Variants in DIS3L2 observed in about 807,000 individuals in gnomAD.
The protein encoded by DIS3L2 is DIS3-like exonuclease 2.
Under a neutral mutation model 97.5 loss-of-function variants are expected in DIS3L2, and 34 were observed. The ratio of observed to expected loss-of-function variants is 0.35; its 90% confidence interval spans 0.27 to 0.46. The LOEUF (loss-of-function observed/expected upper bound fraction) is 0.46. DIS3L2 is among the 20% of genes least tolerant of loss of function. DIS3L2 has a pLI of 1.00. For synonymous variants in DIS3L2, 435 were observed against 445.2 expected, an observed-to-expected ratio of 0.98 and a Z score of 0.29; for missense variants, 1,038 against 1,146.0, an observed-to-expected ratio of 0.91 and a Z score of 1.36.
At chr2:232,106,321 G>A (rs11679642) in intron 6 of DIS3L2, among the ~76,000 whole-genome samples, 1,716 of 152,238 alleles carry the variant, frequency 0.011, 17 homozygotes, top group Non-Finnish European at 0.016. Flanking sequence ...TACAAATACT[G>A]TTTTATAATA....
chr2:232,086,649 A>G lies in DIS3L2; in HGVS notation c.367-838A>G, dbSNP rs1187565701. On this transcript the variant is annotated intron_variant, in intron 5 of 20. Transcript: ENST00000325385. Reference sequence around the variant, plus strand: ...TATATACACATATATATATATGTATATATATATATATGTGTGTGTGTGTGT... The same window carrying G: ...TATATACACATATATATATATGTATGTATATATATATGTGTGTGTGTGTGT... 6.3e-5 allele frequency among the ~76,000 whole-genome samples: 3 copies of G among 47,324 alleles called. 1 individual carries two copies. The highest frequency in any genetic ancestry group is 1.2e-4 in the Non-Finnish European group (3 of 26,048). 31.0% of individuals were successfully genotyped at this position (47,324 alleles called of 152,430 possible).
chr2:232,163,524 A>G lies in DIS3L2; in HGVS notation c.1016A>G (p.Glu339Gly). Residue 339 changes from glutamate to glycine, a missense_variant, in exon 9 of 21, where the codon GAG (glutamate) becomes GGG (glycine). By Grantham distance (98) the Glu-to-Gly change is moderately conservative. Around this residue, in one of 3 missense-constraint regions of DIS3L2, gnomAD observed 813 missense variants for 880.1 expected, o/e 0.92. Coordinates refer to ENST00000325385, the MANE Select transcript of DIS3L2 (RefSeq NM_152383.5). ...IEPETEGILT[E>G]YGVDFSDFSS... ...CCTGAAACAGAAGGAATACTAACAG[A>G]GTATGGCGTGGATTTCTCTGATTTC... is the stretch of plus-strand genomic sequence containing the variant. 6.2e-7 allele frequency: 1 copy of G among 1,614,208 alleles called. No homozygotes were observed. The highest frequency in any genetic ancestry group is 8.5e-7 in the Non-Finnish European group (1 of 1,180,028).
intron 6 of DIS3L2, chr2:232,111,132 T>A: frequency 4.8e-6 from 2 of 414,610 alleles, no homozygotes. Context: ...AAAGATCTTA[T>A]TAAAAAACTG....
intron 13 of DIS3L2, among the ~76,000 whole-genome samples, chr2:232,270,141 C>T (rs553101163): frequency 3.7e-4 from 56 of 152,122 alleles, no homozygotes; most frequent in East Asian, 1.5e-3. Context: ...TGGTGGAGGT[C>T]GAGAAGAGAG....
At chr2:232,174,647 C>T (rs928103280) in intron 9 of DIS3L2, among the ~76,000 whole-genome samples, 5 of 150,498 alleles carry the variant, frequency 3.3e-5, no homozygotes, top group Non-Finnish European at 7.4e-5. Flanking sequence ...ATGGAATTTC[C>T]TGTATTTAGA....
At chr2:232,238,114 A>G (rs909476365) in intron 10 of DIS3L2, among the ~76,000 whole-genome samples, 2 of 152,106 alleles carry the variant, frequency 1.3e-5, no homozygotes, top group African/African-American at 4.8e-5. Context: ...AAATAGGGCA[A>G]TGGCCAGAGG....
chr2:231,983,305 G>T (rs1693313343), intron 1 of DIS3L2, among the ~76,000 whole-genome samples: 1 of 152,180 alleles, frequency 6.6e-6, no homozygotes, highest in Non-Finnish European at 1.5e-5. Context: ...AGATCAAGGT[G>T]TTGGCAGGGC....
At chr2:231,971,886 T>G (rs1390686658) in intron 1 of DIS3L2, among the ~76,000 whole-genome samples, 1 of 150,798 alleles carries the variant, frequency 6.6e-6, no homozygotes, top group Non-Finnish European at 1.5e-5. Flanking sequence ...CGGCCCATCT[T>G]TTTTAAATAA....
chr2:231,975,997 C>A (rs1051580266), intron 1 of DIS3L2, among the ~76,000 whole-genome samples: 1 of 151,840 alleles, frequency 6.6e-6, no homozygotes, highest in African/African-American at 2.4e-5. Context: ...CACACACATA[C>A]ACACACACAC....
At chr2:232,337,637 C>T (rs1384393737), downstream of DIS3L2, among the ~76,000 whole-genome samples, 3 of 152,060 alleles carry the variant, frequency 2.0e-5, no homozygotes, top group Admixed American at 6.5e-5. Flanking sequence ...CGTGGCTTGG[C>T]GTCCCCGAGA....
At chr2:232,159,098 A>G (rs1400669067) in intron 8 of DIS3L2, among the ~76,000 whole-genome samples, 1 of 152,196 alleles carries the variant, frequency 6.6e-6, no homozygotes, top group African/African-American at 2.4e-5. Flanking sequence ...GTTCCTGGTT[A>G]CAAGCAAGAA....
chr2:232,270,126 C>G (rs1475798442), intron 13 of DIS3L2, among the ~76,000 whole-genome samples: 1 of 152,096 alleles, frequency 6.6e-6, no homozygotes. Flanking sequence ...CTGGGGACAC[C>G]ACCGTGGTGG....
chr2:232,198,505 A>G (rs1278416019), intron 9 of DIS3L2: 1 of 152,206 alleles, frequency 6.6e-6, no homozygotes, highest in African/African-American at 2.4e-5. Context: ...CTGCAATCTG[A>G]TATTTTAAAT....
chr2:232,240,721 A>T (rs1693057341), intron 11 of DIS3L2, among the ~76,000 whole-genome samples: 1 of 152,204 alleles, frequency 6.6e-6, no homozygotes, highest in South Asian at 2.1e-4. Context: ...GAGCAGGTAT[A>T]GGCAGCTTAA....
In DIS3L2 at chr2:232,213,158, G is replaced by A. The variant is rs1307753462; in HGVS notation, c.1204+2753G>A. 6.6e-5 allele frequency among the ~76,000 whole-genome samples: 10 copies of A among 152,154 alleles called. 1 individual carries two copies. Among genetic ancestry groups the A allele is most frequent in the African/African-American group, 2.4e-4 (10 of 41,420 alleles). On this transcript the variant is annotated intron_variant, in intron 10 of 20. Transcript: ENST00000325385. ...TGCAGTGATTTCATTCGAATGATGG[G>A]ATCATAAGTGATTTTTTTTCCTTTC...
chr2:232,327,077 C>T (rs1202522811), intron 14 of DIS3L2, among the ~76,000 whole-genome samples: 1 of 152,156 alleles, frequency 6.6e-6, no homozygotes, highest in Non-Finnish European at 1.5e-5. Context: ...ATGTGGAGAG[C>T]GCCTGCAGGA....
Position 232,336,462 on chromosome 2 carries a change from T to G in DIS3L2, c.2497-7T>G. 6.2e-7 allele frequency: 1 copy of G among 1,608,572 alleles called. No homozygotes were observed. The highest frequency in any genetic ancestry group is 8.5e-7 in the Non-Finnish European group (1 of 1,178,206). ...TCCTTGTCCCCTCACGGCTGGGCTC[T>G]GCACAGGTCATCACCATCTTCAGCC... On this transcript the variant is annotated splice_polypyrimidine_tract_variant and splice_region_variant and intron_variant, in intron 20 of 20. Transcript: ENST00000325385.
rs1431823472 is a variant in DIS3L2, at chr2:232,336,820, G to A, written c.*190G>A. On this transcript the variant is annotated 3_prime_UTR_variant, in exon 21 of 21. Coordinates refer to ENST00000325385, the MANE Select transcript of DIS3L2 (RefSeq NM_152383.5). Reference sequence around the variant, plus strand: ...GGGAGAGGGTGGGGCTGGAAGGAAGGCTGAGGCCTGGTCAGCAGTGACCCC... The same window carrying A: ...GGGAGAGGGTGGGGCTGGAAGGAAGACTGAGGCCTGGTCAGCAGTGACCCC... 25 of 1,417,156 alleles carry A rather than the reference G, an allele frequency of 1.8e-5. No homozygotes were observed. Among genetic ancestry groups the A allele is most frequent in the Non-Finnish European group, 2.7e-6 (3 of 1,091,254 alleles). The allele number at this position is 1,417,156 out of a possible 1,614,324, so 87.8% of individuals were successfully genotyped here.
At chr2:232,285,618 T>G (rs1030843056) in intron 13 of DIS3L2, among the ~76,000 whole-genome samples, 1 of 152,202 alleles carries the variant, frequency 6.6e-6, no homozygotes, top group Non-Finnish European at 1.5e-5. Context: ...CAGTAGGAAA[T>G]GCCAAGACTT....
Sources: allele counts gnomAD v4.1 joint callset (sites outside exome capture counted in the v4.1 genomes callset), GRCh38; gene constraint gnomAD v4.1.1; regional missense constraint gnomAD v4.1.1; transcripts MANE v1.5; gene names NCBI Gene and HGNC (gene_info 2026-07-23, HGNC 2026-07-21).